Variants in CD163L1 observed in about 807,000 individuals in gnomAD.
CD163L1 encodes the protein CD163 molecule like 1, also known as scavenger receptor cysteine-rich type 1 protein M160.
Under a neutral mutation model 165.4 loss-of-function variants are expected in CD163L1, and 124 were observed. The ratio of observed to expected loss-of-function variants is 0.75; its 90% CI spans 0.65 to 0.87. The LOEUF (loss-of-function observed/expected upper bound fraction) is 0.87, where lower values mean the gene tolerates loss of function less well. Among genes scored for constraint, CD163L1 ranks in the 40% least tolerant of loss-of-function variants. The probability of loss-of-function intolerance (pLI) is 0.00; values close to 1 mark genes in which losing one functional copy is unlikely to be tolerated. For synonymous variants in CD163L1, 585 were observed against 662.2 expected, an observed-to-expected ratio of 0.88 and a Z score of 1.79; for missense variants, 1,525 against 1,799.9, an observed-to-expected ratio of 0.85 and a Z score of 2.76.
the CD163L1 span, among the ~76,000 whole-genome samples, chr12:7,337,789 C>T: frequency 1.3e-5 from 2 of 152,260 alleles, no homozygotes; most frequent in East Asian, 3.9e-4. Flanking sequence ...ACCAGAAATA[C>T]CATTTGATCC....
At chr12:7,443,478 A>G (rs1948855213) in intron 1 of CD163L1, among the ~76,000 whole-genome samples, 1 of 152,212 alleles carries the variant, frequency 6.6e-6, no homozygotes, top group African/African-American at 2.4e-5. Context: ...TTAGCCATGT[A>G]TTCCTTTCTT....
At chr12:7,421,299 ATG>A (rs1219637663) in intron 4 of CD163L1, among the ~76,000 whole-genome samples, 37 of 120,912 alleles carry the variant, frequency 3.1e-4, no homozygotes, top group African/African-American at 1.1e-3. Flanking sequence ...GTGTGTATAT[ATG>A]TATATATACA....
chr12:7,348,710 T>G (rs1946687241), intron 4 of CD163L1, among the ~76,000 whole-genome samples: 1 of 152,164 alleles, frequency 6.6e-6, no homozygotes. Flanking sequence ...CATTAAGCAC[T>G]TAAAACAAGG....
At chr12:7,353,205 A>G (rs1375463586), downstream of CD163L1, among the ~76,000 whole-genome samples, 3 of 152,086 alleles carry the variant, frequency 2.0e-5, no homozygotes, top group Non-Finnish European at 4.4e-5. Flanking sequence ...GCTAAATAGT[A>G]ACTTTAAAAT....
At chr12:7,346,681 C>T (rs1283332303), downstream of CD163L1, 1 of 152,178 alleles carries the variant, frequency 6.6e-6, no homozygotes, top group Non-Finnish European at 1.5e-5. Context: ...GTATTTTAAG[C>T]AGGAAGTGGT....
the CD163L1 span, chr12:7,323,421 G>T: frequency 5.6e-6 from 9 of 1,608,542 alleles, no homozygotes; most frequent in African/African-American, 1.3e-5. Context: ...TTTGTGAAAA[G>T]AAAATTTTAA....
chr12:7,421,499 G>GTACATATATACATATA lies in CD163L1; in HGVS notation c.766+10916_766+10917insTATATGTATATATGTA, dbSNP rs1565810265. On this transcript the variant is annotated intron_variant, in intron 4 of 19. Transcript: ENST00000313599. ...CATATATGTACATATATACATATAT[G>GTACATATATACATATA]TACATATACATATACATATATGTAC... 1.0e-4 allele frequency among the ~76,000 whole-genome samples: 9 copies of GTACATATATACATATA among 88,522 alleles called. 1 individual carries two copies. The highest frequency in any genetic ancestry group is 6.4e-4 in the Admixed American group (5 of 7,766). 58.1% of individuals were successfully genotyped at this position (88,522 alleles called of 152,430 possible).
At chr12:7,320,813 G>A in the CD163L1 span, 3 of 1,603,484 alleles carry the variant, frequency 1.9e-6, no homozygotes, top group Non-Finnish European at 2.6e-6. Context: ...AGGTACTTGG[G>A]CAGAAATCTC....
the CD163L1 span, among the ~76,000 whole-genome samples, chr12:7,335,876 A>G: frequency 0.057 from 8,567 of 151,416 alleles, 28 homozygotes; most frequent in East Asian, 0.14. Context: ...TCAAAAGAAG[A>G]CATTTATGCA....
chr12:7,387,920 A>T (rs890322667), intron 8 of CD163L1, among the ~76,000 whole-genome samples: 14 of 152,332 alleles, frequency 9.2e-5, no homozygotes, highest in Admixed American at 7.8e-4. Context: ...TGCTATTGGT[A>T]TGAAACAGAC....
the CD163L1 span, among the ~76,000 whole-genome samples, chr12:7,326,678 T>C: frequency 2.0e-5 from 3 of 152,232 alleles, no homozygotes; most frequent in African/African-American, 7.2e-5. Context: ...AAGGACTGTC[T>C]GTGTAATAAA....
the CD163L1 span, chr12:7,327,142 G>A: frequency 6.6e-7 from 1 of 1,525,674 alleles, no homozygotes; most frequent in Non-Finnish European, 8.8e-7. Context: ...CCAAACTAGG[G>A]TCTAAGCTAG....
chr12:7,327,697 A>G, the CD163L1 span, among the ~76,000 whole-genome samples: 1 of 152,128 alleles, frequency 6.6e-6, no homozygotes, highest in Admixed American at 6.5e-5. Flanking sequence ...AAGTAGTTAA[A>G]CCTAAAAACT....
chr12:7,375,153 T>C, intron 11 of CD163L1, 128 bp downstream of exon 11: 1 of 938,276 alleles, frequency 1.1e-6, no homozygotes, highest in Non-Finnish European at 1.6e-6. Context: ...TGTTACTCTT[T>C]GACTGTCATG....
At chr12:7,319,642 C>T in the CD163L1 span, among the ~76,000 whole-genome samples, 8 of 151,912 alleles carry the variant, frequency 5.3e-5, no homozygotes, top group East Asian at 9.7e-4. Flanking sequence ...CACCTTGCCC[C>T]GCCACTCACC....
In CD163L1 at chr12:7,421,432, C is replaced by CATATATACAT. The variant is rs1158913643; in HGVS notation, c.766+10974_766+10983dup. ...CCAAATGTATATATACATATATGTACATATATACATATACATATATGTACA... is the reference window on the plus strand; with the variant it reads ...CCAAATGTATATATACATATATGTACATATATACATATATATACATATACATATATGTACA... On this transcript the variant is annotated intron_variant, in intron 4 of 19. Coordinates refer to ENST00000313599, the MANE Select transcript of CD163L1 (RefSeq NM_174941.6). 1.5e-4 allele frequency among the ~76,000 whole-genome samples: 14 copies of CATATATACAT among 95,022 alleles called. 1 individual carries two copies. Among genetic ancestry groups the CATATATACAT allele is most frequent in the African/African-American group, 8.4e-5 (2 of 23,882 alleles). The allele number at this position is 95,022 out of a possible 152,430, so 62.3% of individuals were successfully genotyped here. A position where few individuals can be genotyped will look rare whatever the true frequency, so the allele number is the denominator to read the frequency against.
intron 5 of CD163L1, among the ~76,000 whole-genome samples, chr12:7,405,969 G>A (rs1411707848): frequency 1.3e-5 from 2 of 152,152 alleles, no homozygotes; most frequent in African/African-American, 4.8e-5. Context: ...ACAGCGAGGG[G>A]TAACTTGCTT....
At chr12:7,426,985 G>C (rs1212661157) in intron 4 of CD163L1, among the ~76,000 whole-genome samples, 1 of 152,066 alleles carries the variant, frequency 6.6e-6, no homozygotes, top group South Asian at 2.1e-4. Flanking sequence ...TGATAAAGGG[G>C]TTAATTCATC....
chr12:7,377,828 G>A (rs1947303594), intron 9 of CD163L1, among the ~76,000 whole-genome samples: 1 of 152,026 alleles, frequency 6.6e-6, no homozygotes, highest in African/African-American at 2.4e-5. Context: ...AAATACTATT[G>A]TTCCTCAGGG....
Sources: gnomAD v4.1 joint callset for allele counts (sites outside exome capture counted in the v4.1 genomes callset) on GRCh38, gnomAD v4.1.1 for gene constraint, MANE v1.5 for transcripts, NCBI Gene and HGNC (gene_info 2026-07-23, HGNC 2026-07-21) for gene names.